SLC1A3: variants seen among roughly 807,000 people sequenced by gnomAD.
SLC1A3 encodes the protein excitatory amino acid transporter 1.
A neutral mutation model predicts 48.1 loss-of-function variants in SLC1A3; 21 were observed. That is an observed-to-expected ratio of 0.44 (90% confidence interval 0.31 to 0.63). The LOEUF is 0.63. Ranked by LOEUF, SLC1A3 falls within the 20% of genes least tolerant of loss-of-function variation. The pLI, the probability that SLC1A3 is intolerant of heterozygous loss-of-function variation, is 0.08. For synonymous variants in SLC1A3, 239 were observed against 251.4 expected, an observed-to-expected ratio of 0.95 and a Z score of 0.47; for missense variants, 546 against 689.0, an observed-to-expected ratio of 0.79 and a Z score of 2.32.
At chr5:36,662,872 A>T (rs1360697229) in intron 3 of SLC1A3, among the ~76,000 whole-genome samples, 1 of 152,182 alleles carries the variant, frequency 6.6e-6, no homozygotes, top group African/African-American at 2.4e-5. Context: ...AAGCTTGACC[A>T]CTCAGAGGCC....
At chr5:36,610,912 T>C (rs1324150283) in intron 2 of SLC1A3, among the ~76,000 whole-genome samples, 3 of 152,146 alleles carry the variant, frequency 2.0e-5, no homozygotes, top group Non-Finnish European at 4.4e-5. Context: ...AAAGAGCTCA[T>C]TGACAGTCAA....
chr5:36,686,041 C>A (rs546709204), intron 9 of SLC1A3, 24 bp from the exon 10 acceptor site: 1 of 1,607,468 alleles, frequency 6.2e-7, no homozygotes, highest in Admixed American at 1.7e-5. Flanking sequence ...CCTCGTTTTT[C>A]CCTCCTCCCC....
At chr5:36,627,340 G>A (rs539299768) in intron 2 of SLC1A3, among the ~76,000 whole-genome samples, 52 of 152,106 alleles carry the variant, frequency 3.4e-4, no homozygotes, top group African/African-American at 1.2e-3. Context: ...ATCTTTTTAT[G>A]ATAATACTCT....
At chr5:36,621,118 C>T (rs1490670118) in intron 2 of SLC1A3, among the ~76,000 whole-genome samples, 1 of 152,132 alleles carries the variant, frequency 6.6e-6, no homozygotes, top group Non-Finnish European at 1.5e-5. Flanking sequence ...CTTGGCCTGG[C>T]AGGTCTCCAA....
At position 36,686,193 on chromosome 5, in the gene SLC1A3, A is replaced by C; in HGVS notation, c.1553A>C (p.Glu518Ala). The change falls in exon 10 of 10, where the codon GAA becomes GCA. Residue 518 changes from glutamate to alanine, a missense_variant. Physicochemically the swap from Glu to Ala is moderately radical, Grantham distance 107 (BLOSUM62 -1). Coordinates refer to ENST00000265113, the MANE Select transcript of SLC1A3 (RefSeq NM_004172.5). ...GGTAACTCAGTGATTGAAGAGAATG[A>C]AATGAAGAAACCATATCAACTGATT... ...EMGNSVIEENEMKKPYQLIAQ... is the reference protein window; with the variant it reads ...EMGNSVIEENAMKKPYQLIAQ... 6.2e-7 allele frequency: 1 copy of C among 1,614,194 alleles called. No homozygotes were observed. Among genetic ancestry groups the C allele is most frequent in the Non-Finnish European group, 8.5e-7 (1 of 1,179,982 alleles).
chr5:36,663,380 A>ATTTTTTTTTT (rs1156283585), intron 3 of SLC1A3, among the ~76,000 whole-genome samples: 378 of 69,338 alleles, frequency 5.5e-3, no homozygotes, highest in African/African-American at 7.3e-3. Flanking sequence ...CACGCCCGGC[A>ATTTTTTTTTT]TTTTTTTTTT....
rs6860949 is a variant in SLC1A3, at chr5:36,686,582, T to C, written c.*313T>C. On this transcript the variant is annotated 3_prime_UTR_variant, in exon 10 of 10. Transcript: ENST00000265113. ...CACAATCCTATAAATGTGATTTTTT[T>C]ATATAAGTTAAAGAGACAAATAGTA... The C allele has an allele frequency of 2.1e-5, 7 of 329,402 alleles. No homozygotes were observed. The highest frequency in any genetic ancestry group is 3.4e-5 in the Non-Finnish European group (6 of 176,384). 20.4% of individuals were successfully genotyped at this position (329,402 alleles called of 1,614,324 possible).
chr5:36,656,765 C>A (rs774419428), intron 3 of SLC1A3, among the ~76,000 whole-genome samples: 12 of 152,204 alleles, frequency 7.9e-5, no homozygotes, highest in Non-Finnish European at 1.6e-4. Flanking sequence ...ATTCATCATT[C>A]ATTCAACAAA....
intron 3 of SLC1A3, among the ~76,000 whole-genome samples, chr5:36,648,160 CATT>C (rs1416873740): frequency 6.6e-6 from 1 of 151,996 alleles, no homozygotes; most frequent in African/African-American, 2.4e-5. Context: ...AATACCTTGC[CATT>C]ATTAAGAGTT....
intron 9 of SLC1A3, among the ~76,000 whole-genome samples, chr5:36,685,695 G>A (rs1352495944): frequency 6.6e-6 from 1 of 152,198 alleles, no homozygotes; most frequent in African/African-American, 2.4e-5. Context: ...AACTGCTTCA[G>A]TGAGTTGTGA....
intron 8 of SLC1A3, 40 bp downstream of exon 8, chr5:36,680,629 C>A (rs7716057): frequency 1.9e-6 from 3 of 1,553,700 alleles, no homozygotes; most frequent in Non-Finnish European, 2.7e-6. Flanking sequence ...CTTAAGAATG[C>A]CTTTAAGGCT....
At chr5:36,674,601 C>T (rs548231490) in intron 5 of SLC1A3, among the ~76,000 whole-genome samples, 1 of 151,892 alleles carries the variant, frequency 6.6e-6, no homozygotes, top group African/African-American at 2.4e-5. Flanking sequence ...CTGCTATATG[C>T]CAAGCACTAA....
At chr5:36,652,327 C>CAT (rs1311974668) in intron 3 of SLC1A3, among the ~76,000 whole-genome samples, 1 of 46,334 alleles carries the variant, frequency 2.2e-5, no homozygotes, top group Non-Finnish European at 6.2e-5. Context: ...CACACACATA[C>CAT]ACACACACAC....
At chr5:36,627,454 G>A (rs1039496508) in intron 2 of SLC1A3, among the ~76,000 whole-genome samples, 2 of 151,602 alleles carry the variant, frequency 1.3e-5, no homozygotes, top group African/African-American at 4.9e-5. Context: ...TCAGGTAGTC[G>A]TATCCTCTGA....
chr5:36,668,772 T>A (rs745730497), intron 3 of SLC1A3: 6 of 152,236 alleles, frequency 3.9e-5, no homozygotes, highest in Non-Finnish European at 8.8e-5. Context: ...TTTAAACATT[T>A]TTTAAAAACC....
chr5:36,643,849 C>A (rs1010964790), intron 3 of SLC1A3, among the ~76,000 whole-genome samples: 1 of 151,870 alleles, frequency 6.6e-6, no homozygotes, highest in African/African-American at 2.4e-5. Flanking sequence ...CAAAAAATAG[C>A]CAGGCGTGGT....
At chr5:36,653,158 A>G (rs1741152391) in intron 3 of SLC1A3, among the ~76,000 whole-genome samples, 1 of 152,198 alleles carries the variant, frequency 6.6e-6, no homozygotes, top group Admixed American at 6.5e-5. Flanking sequence ...TAAATTTGCA[A>G]TGTGGAAACT....
intron 3 of SLC1A3, among the ~76,000 whole-genome samples, chr5:36,643,710 G>A (rs1740711512): frequency 6.6e-6 from 1 of 152,104 alleles, no homozygotes; most frequent in Non-Finnish European, 1.5e-5. Context: ...AAAGGGTAAC[G>A]TGGGCCAGGC....
intron 2 of SLC1A3, among the ~76,000 whole-genome samples, chr5:36,611,290 A>G (rs1008383263): frequency 4.0e-5 from 6 of 150,914 alleles, no homozygotes; most frequent in African/African-American, 1.2e-4. Flanking sequence ...TAAAAAAAAA[A>G]AAAAAAAAAA....
Sources: gnomAD v4.1 joint callset for allele counts (sites outside exome capture counted in the v4.1 genomes callset) on GRCh38, gnomAD v4.1.1 for gene constraint, MANE v1.5 for transcripts, NCBI Gene and HGNC (gene_info 2026-07-23, HGNC 2026-07-21) for gene names.